The following MAML3 variants were observed in gnomAD, a reference collection of about 807,000 sequenced individuals.
MAML3 encodes the protein mastermind like transcriptional coactivator 3, also known as mastermind-like protein 3.
MAML3 carries 27 observed loss-of-function variants against 101.9 expected under a neutral mutation model. The ratio of observed to expected loss-of-function variants is 0.27; its 90% CI spans 0.20 to 0.37. The LOEUF is 0.37. MAML3 is among the 10% of genes least tolerant of loss of function. The pLI is 1.00. For missense variants in MAML3, 1,316 were observed against 1,444.9 expected (o/e 0.91, Z 1.45); for synonymous variants, 501 against 555.9 (o/e 0.90, Z 1.39).
intron 2 of MAML3, among the ~76,000 whole-genome samples, chr4:139,734,861 G>A (rs1391764869): frequency 6.6e-6 from 1 of 152,280 alleles, no homozygotes; most frequent in Non-Finnish European, 1.5e-5. Context: ...CGAGCAGGCT[G>A]GGGTGACGGG....
chr4:140,125,059 GT>G (rs1560901202), intron 1 of MAML3, among the ~76,000 whole-genome samples: 1 of 152,094 alleles, frequency 6.6e-6, no homozygotes, highest in African/African-American at 2.4e-5. Context: ...ATCGACTTTG[GT>G]TTTTTAATTA....
chr4:139,870,752 C>T (rs1427058733), intron 2 of MAML3, among the ~76,000 whole-genome samples: 1 of 152,192 alleles, frequency 6.6e-6, no homozygotes, highest in Non-Finnish European at 1.5e-5. Flanking sequence ...AGAGATCCTT[C>T]CACCTCAGCC....
Position 139,888,745 on chromosome 4 carries a change from C to T in MAML3, c.2079+612G>A, listed in dbSNP as rs145956752. On this transcript the variant is annotated intron_variant, in intron 2 of 4. Coordinates refer to ENST00000509479, the MANE Select transcript of MAML3 (RefSeq NM_018717.5). ...ATTGTATCAGAGAGGTTTCATTGCA[C>T]TCCCAAGTAAGAAGACTGAACCAGC... The T allele has an allele frequency of 7.7e-4, 371 of 482,844 alleles. 3 individuals carry two copies. The highest frequency in any genetic ancestry group is 6.5e-3 in the African/African-American group (331 of 51,106). The allele number at this position is 482,844 out of a possible 1,614,324, so 29.9% of individuals were successfully genotyped here.
chr4:140,072,304 C>A (rs1727673113), intron 1 of MAML3, among the ~76,000 whole-genome samples: 2 of 152,138 alleles, frequency 1.3e-5, no homozygotes, highest in African/African-American at 4.8e-5. Context: ...ATTATTCTCT[C>A]AACAATACAG....
intron 1 of MAML3, among the ~76,000 whole-genome samples, chr4:140,010,072 G>A (rs1202523510): frequency 6.6e-6 from 1 of 152,112 alleles, no homozygotes; most frequent in Non-Finnish European, 1.5e-5. Context: ...TTGCAAAGAG[G>A]TAATTTTACC....
chr4:139,967,979 A>T (rs1345356553), intron 1 of MAML3, among the ~76,000 whole-genome samples: 1 of 145,130 alleles, frequency 6.9e-6, no homozygotes, highest in African/African-American at 2.5e-5. Flanking sequence ...AAAAAAAAAA[A>T]AGAGAAAAGA....
chr4:139,751,816 A>G (rs1174285387), intron 2 of MAML3, among the ~76,000 whole-genome samples: 1 of 152,230 alleles, frequency 6.6e-6, no homozygotes, highest in Non-Finnish European at 1.5e-5. Flanking sequence ...TTACAATGAC[A>G]TCTTTGACCT....
chr4:139,866,228 A>G (rs747614346), intron 2 of MAML3, among the ~76,000 whole-genome samples: 5 of 152,258 alleles, frequency 3.3e-5, no homozygotes, highest in Non-Finnish European at 7.3e-5. Flanking sequence ...AGCTTGAAGT[A>G]TAACAATTAA....
chr4:140,073,400 A>C (rs1404215458), intron 1 of MAML3, among the ~76,000 whole-genome samples: 3 of 152,254 alleles, frequency 2.0e-5, no homozygotes, highest in African/African-American at 7.2e-5. Context: ...GGTCTCCCAA[A>C]GTGCTGGGAT....
At chr4:140,147,813 T>C (rs930440792) in intron 1 of MAML3, among the ~76,000 whole-genome samples, 1 of 152,182 alleles carries the variant, frequency 6.6e-6, no homozygotes, top group Non-Finnish European at 1.5e-5. Flanking sequence ...ATCACACAAG[T>C]ACTTCAAATA....
chr4:139,886,506 C>A (rs1262518996), intron 2 of MAML3, among the ~76,000 whole-genome samples: 4 of 151,970 alleles, frequency 2.6e-5, no homozygotes, highest in Non-Finnish European at 5.9e-5. Context: ...CCTAAAATAA[C>A]ATTTTAGTTA....
At chr4:140,126,672 C>A (rs1380081749) in intron 1 of MAML3, among the ~76,000 whole-genome samples, 1 of 152,206 alleles carries the variant, frequency 6.6e-6, no homozygotes, top group Admixed American at 6.5e-5. Context: ...TCTATACCCG[C>A]AACCCAGACC....
chr4:140,145,810 C>T (rs1025838822), intron 1 of MAML3, among the ~76,000 whole-genome samples: 2 of 151,740 alleles, frequency 1.3e-5, no homozygotes, highest in Non-Finnish European at 1.5e-5. Context: ...GTGATCTGCC[C>T]GCTCGGCCTC....
At chr4:139,818,789 A>C (rs1323227582) in intron 2 of MAML3, among the ~76,000 whole-genome samples, 1 of 152,210 alleles carries the variant, frequency 6.6e-6, no homozygotes, top group East Asian at 1.9e-4. Context: ...ATTCACTACT[A>C]TTATGGATTA....
chr4:139,976,247 T>C (rs1204818903), intron 1 of MAML3, among the ~76,000 whole-genome samples: 2 of 152,350 alleles, frequency 1.3e-5, no homozygotes, highest in East Asian at 3.9e-4. Context: ...CTTCTGGTTT[T>C]TTTTCTTTTC....
At chr4:139,834,284 T>C (rs558594621) in intron 2 of MAML3, among the ~76,000 whole-genome samples, 1 of 152,376 alleles carries the variant, frequency 6.6e-6, no homozygotes, top group Non-Finnish European at 1.5e-5. Flanking sequence ...GGTTAAACAT[T>C]GATCTTTCTT....
At chr4:139,759,340 A>G (rs984660477) in intron 2 of MAML3, among the ~76,000 whole-genome samples, 8 of 152,238 alleles carry the variant, frequency 5.3e-5, no homozygotes, top group African/African-American at 1.9e-4. Context: ...CAGCAGAAAC[A>G]GAATGAACCT....
At chr4:140,100,381 G>C (rs992099836) in intron 1 of MAML3, among the ~76,000 whole-genome samples, 7 of 152,168 alleles carry the variant, frequency 4.6e-5, no homozygotes, top group African/African-American at 1.7e-4. Context: ...AGACCAAATT[G>C]TATTCATTTT....
At chr4:139,943,323 G>A (rs1733640499) in intron 1 of MAML3, among the ~76,000 whole-genome samples, 1 of 152,210 alleles carries the variant, frequency 6.6e-6, no homozygotes, top group Non-Finnish European at 1.5e-5. Context: ...ACAGTTGTTG[G>A]TGCCTGGAGA....
Sources: allele counts gnomAD v4.1 joint callset (sites outside exome capture counted in the v4.1 genomes callset), GRCh38; gene constraint gnomAD v4.1.1; transcripts MANE v1.5; gene names NCBI Gene and HGNC (gene_info 2026-07-23, HGNC 2026-07-21).